Variants in ANKRD30B observed in about 807,000 individuals in gnomAD.
ANKRD30B encodes the protein ankyrin repeat domain-containing protein 30B.
A neutral mutation model predicts 202.2 loss-of-function variants in ANKRD30B; 144 were observed. The observed-to-expected ratio is 0.71, with a 90% CI of 0.62 to 0.82. The LOEUF (loss-of-function observed/expected upper bound fraction) is 0.82. ANKRD30B is among the 40% of genes least tolerant of loss of function. The pLI, the probability that ANKRD30B is intolerant of heterozygous loss-of-function variation, is 0.00. For synonymous variants in ANKRD30B, 508 were observed against 561.3 expected, an observed-to-expected ratio of 0.91 and a Z score of 1.34; for missense variants, 1,487 against 1,669.1, an observed-to-expected ratio of 0.89 and a Z score of 1.90.
chr18:14,826,687 T>TCACACACA (rs1257606851), intron 32 of ANKRD30B, among the ~76,000 whole-genome samples: 2 of 22,712 alleles, frequency 8.8e-5, no homozygotes, highest in Admixed American at 1.8e-3. Flanking sequence ...CCTCTCTCTC[T>TCACACACA]CTCTCTCACA....
intron 34 of ANKRD30B, among the ~76,000 whole-genome samples, chr18:14,834,583 TATAGCTG>T (rs1283050109): frequency 1.3e-5 from 2 of 152,110 alleles, no homozygotes; most frequent in Admixed American, 1.3e-4. Context: ...TTGAGTGACT[TATAGCTG>T]ATTTTAATAA....
chr18:14,769,796 A>G (rs1916821368), intron 8 of ANKRD30B, among the ~76,000 whole-genome samples: 1 of 152,164 alleles, frequency 6.6e-6, no homozygotes, highest in African/African-American at 2.4e-5. Flanking sequence ...CTCTTAGAAC[A>G]CTCATTCATC....
At chr18:14,814,536 G>GA in intron 29 of ANKRD30B, 85 bp from the exon 30 acceptor site, 1 of 683,664 alleles carries the variant, frequency 1.5e-6, no homozygotes, top group South Asian at 1.6e-5. Flanking sequence ...TGTGTTTTTA[G>GA]AAAAGATTTT....
the ANKRD30B span, among the ~76,000 whole-genome samples, chr18:14,935,630 A>G: frequency 0.015 from 2,246 of 152,230 alleles, 56 homozygotes; most frequent in African/African-American, 0.051. Context: ...ATGTGTATTT[A>G]TATGTGTGTG....
the ANKRD30B span, among the ~76,000 whole-genome samples, chr18:14,861,715 G>A: frequency 1.3e-5 from 2 of 151,288 alleles, no homozygotes; most frequent in Non-Finnish European, 3.0e-5. Context: ...AAGCAGATTA[G>A]TTAGGCAGAT....
chr18:14,823,791 T>C (rs1214627920), intron 32 of ANKRD30B, among the ~76,000 whole-genome samples: 1 of 152,138 alleles, frequency 6.6e-6, no homozygotes, highest in Non-Finnish European at 1.5e-5. Context: ...CTGGTCAACA[T>C]AGTGAAACCC....
chr18:14,903,612 C>A, the ANKRD30B span: 1 of 152,170 alleles, frequency 6.6e-6, no homozygotes, highest in African/African-American at 2.4e-5. Context: ...CCTCTGGTCT[C>A]TATGTAGACA....
At chr18:14,826,277 T>C (rs1207015931) in intron 32 of ANKRD30B, among the ~76,000 whole-genome samples, 7 of 152,222 alleles carry the variant, frequency 4.6e-5, no homozygotes, top group African/African-American at 7.2e-5. Context: ...TAATGAAAAG[T>C]AGGAGAGGAG....
the ANKRD30B span, among the ~76,000 whole-genome samples, chr18:14,907,810 T>A: frequency 1.3e-5 from 2 of 152,136 alleles, no homozygotes; most frequent in Non-Finnish European, 2.9e-5. Context: ...AACCCCTTTC[T>A]TTTTTCCAAA....
chr18:14,789,829 C>T (rs1481411414), intron 15 of ANKRD30B, among the ~76,000 whole-genome samples: 1 of 152,144 alleles, frequency 6.6e-6, no homozygotes, highest in African/African-American at 2.4e-5. Context: ...TACTGTGATG[C>T]CTACAGCTTT....
At chr18:14,788,965 G>A (rs1293210061) in intron 15 of ANKRD30B, among the ~76,000 whole-genome samples, 11 of 152,160 alleles carry the variant, frequency 7.2e-5, no homozygotes, top group African/African-American at 1.2e-4. Context: ...CTGAGGAATC[G>A]CCACACTGAC....
chr18:14,874,799 C>A, the ANKRD30B span, among the ~76,000 whole-genome samples: 1 of 152,200 alleles, frequency 6.6e-6, no homozygotes, highest in Non-Finnish European at 1.5e-5. Context: ...AGGGGAGTGA[C>A]TTGCCCAGAA....
the ANKRD30B span, among the ~76,000 whole-genome samples, chr18:14,928,259 C>T: frequency 1.3e-5 from 2 of 152,268 alleles, no homozygotes; most frequent in Non-Finnish European, 2.9e-5. Context: ...CGAGTCACCA[C>T]GCCTGGCCAT....
chr18:14,854,709 C>A (rs1350457698), downstream of ANKRD30B, among the ~76,000 whole-genome samples: 5 of 151,948 alleles, frequency 3.3e-5, no homozygotes, highest in African/African-American at 9.7e-5. Flanking sequence ...AACTATTGAA[C>A]CTTCTAGTTA....
At position 14,782,686 on chromosome 18, in the gene ANKRD30B, C is replaced by A. The variant is rs540295246; in HGVS notation, c.1570+72C>A. ...CTAAACGCATGATGACTGAAATACT[C>A]TAATAGCCAAATAAAATTACCCACT... On this transcript the variant is annotated intron_variant, in intron 12 of 43. Transcript: ENST00000690538. 9.7e-6 allele frequency: 9 copies of A among 928,202 alleles called. No homozygotes were observed. In the South Asian group the frequency reaches 1.5e-4, roughly 15 times the overall value. The allele number at this position is 928,202 out of a possible 1,614,324, so 57.5% of individuals were successfully genotyped here.
At position 14,784,524 on chromosome 18, in the gene ANKRD30B, C is replaced by T. The variant is rs1465484824; in HGVS notation, c.1661C>T (p.Thr554Ile). 3.7e-6 allele frequency: 6 copies of T among 1,612,554 alleles called. No individual in the cohort carries two copies. The African/African-American group carries it at 5.3e-5, about 14-fold the overall frequency. ...GCCTTTGAATTGAAGAATGAACAAA[C>T]ATTGAGAGCAGGTAAATTTTTCAAT... ...NKAFELKNEQ[T>I]LRAAQMFPSE... Residue 554 changes from threonine to isoleucine, a missense_variant, in exon 14 of 44, where the codon ACA becomes ATA. Physicochemically the swap from Thr to Ile is moderately conservative, Grantham distance 89. This residue lies in a region of ANKRD30B where 889 missense variants were observed against 841.4 expected (regional missense o/e 1.06). Transcript: ENST00000690538.
chr18:14,748,635 G>T lies in ANKRD30B; in HGVS notation c.216G>T (p.Lys72Asn), dbSNP rs1379306031. Residue 72 changes from lysine to asparagine, a missense_variant, in exon 1 of 44, where the codon AAG becomes AAT. Transcript: ENST00000690538. Reference sequence around the variant, plus strand: ...TCAACCTGAACAAAAGAGATATGAAGAAGAGGTACCAGGCCCTGCCTGAGC... The same window carrying T: ...TCAACCTGAACAAAAGAGATATGAATAAGAGGTACCAGGCCCTGCCTGAGC... Reference protein sequence around the residue: ...KPVNLNKRDMKKRTALHWACV... With the variant: ...KPVNLNKRDMNKRTALHWACV... 3 of 1,559,548 alleles carry T rather than the reference G, an allele frequency of 1.9e-6. No homozygotes were observed. In the East Asian group the frequency reaches 7.1e-5, roughly 37 times the overall value.
In ANKRD30B at chr18:14,823,682, T is replaced by C. The variant is rs556772546; in HGVS notation, c.2743+1005T>C. Among the ~76,000 whole-genome samples the C allele has an allele frequency of 3.3e-5, 5 of 152,254 alleles. No individual in the cohort carries two copies. The South Asian group carries it at 1.0e-3, about 32-fold the overall frequency. On this transcript the variant is annotated intron_variant, in intron 32 of 43. Transcript: ENST00000690538. ...GTCATTCCCATGCATGTTTAAAATA[T>C]GTTACAACAGGCTGTGCATGGTGGC...
At chr18:14,826,681 TCTCTCTCTCTCTCACACACACACA>T (rs1970676244) in intron 32 of ANKRD30B, among the ~76,000 whole-genome samples, 2 of 32,352 alleles carry the variant, frequency 6.2e-5, no homozygotes, top group African/African-American at 1.3e-4. Context: ...TCTCCCCCTC[TCTCTCTCTCTCTCACACACACACA>T]CACACACACA....
Sources: gnomAD v4.1 joint callset for allele counts (sites outside exome capture counted in the v4.1 genomes callset) on GRCh38, gnomAD v4.1.1 for gene constraint, gnomAD v4.1.1 regional missense constraint, MANE v1.5 for transcripts, NCBI Gene and HGNC (gene_info 2026-07-23, HGNC 2026-07-21) for gene names.